DUSP26: variants seen among roughly 807,000 people sequenced by gnomAD.
The protein encoded by DUSP26 is dual specificity phosphatase 26.
A neutral mutation model predicts 20.0 loss-of-function variants in DUSP26; 12 were observed. That is an observed-to-expected ratio of 0.60 (90% CI 0.38 to 0.97). DUSP26 has a LOEUF of 0.97. Among genes scored for constraint, DUSP26 ranks in the 50% least tolerant of loss-of-function variants. The pLI is 0.00. For missense variants in DUSP26, 230 were observed against 294.0 expected (o/e 0.78, Z 1.59); for synonymous variants, 120 against 118.8 (o/e 1.01, Z -0.06).
intron 1 of DUSP26, among the ~76,000 whole-genome samples, 175 bp downstream of exon 1, chr8:33,599,490 G>C (rs963807163): frequency 2.0e-5 from 3 of 152,150 alleles, no homozygotes; most frequent in African/African-American, 7.2e-5. Flanking sequence ...GTCCTCGCCA[G>C]CCTGGCAGCC....
At chr8:33,592,337 GA>G in intron 3 of DUSP26, 125 bp from the exon 4 acceptor site, 1 of 887,016 alleles carries the variant, frequency 1.1e-6, no homozygotes, top group Non-Finnish European at 1.7e-6. Flanking sequence ...TTTGGAGGCC[GA>G]AGGGGGAAGA....
rs535422238 is a variant in DUSP26 at position 33,597,780 on chromosome 8, C to T, written c.-76-189G>A. 934 of 418,802 alleles carry T rather than the reference C, an allele frequency of 2.2e-3. 31 individuals are homozygous for T. The South Asian group carries it at 0.028, about 13-fold the overall frequency. The allele number at this position is 418,802 out of a possible 1,614,324, so 25.9% of individuals were successfully genotyped here. On this transcript the variant is annotated intron_variant, in intron 1 of 3. Transcript: ENST00000256261. ...TTTGCTCAGCTCTTTGGCTCTGCCA[C>T]GAAACGAGGTGGGAGAGTCACATGT...
rs1811028651 is a variant in DUSP26, at chr8:33,591,930, C to T, written c.*83G>A. ...GAGGATGGGTGATCTGGGCCTCCTGCTACCTGCCACCTGGGCCTCCTATCT... is the reference window on the plus strand; with the variant it reads ...GAGGATGGGTGATCTGGGCCTCCTGTTACCTGCCACCTGGGCCTCCTATCT... On this transcript the variant is annotated 3_prime_UTR_variant, in exon 4 of 4. Coordinates refer to ENST00000256261, the MANE Select transcript of DUSP26 (RefSeq NM_024025.3). The T allele has an allele frequency of 7.8e-6, 12 of 1,537,096 alleles. No homozygotes were observed. Among genetic ancestry groups the T allele is most frequent in the Non-Finnish European group, 9.7e-6 (11 of 1,131,030 alleles).
rs1293023241 is a variant in DUSP26, at chr8:33,591,467, G to T, written c.*546C>A. ...GTGGGCCTAGTGCCAACCCTCACAC[G>T]CTAGCTACCTCCTCCTGTGCTTGGA... On this transcript the variant is annotated 3_prime_UTR_variant, in exon 4 of 4. Coordinates refer to ENST00000256261, the MANE Select transcript of DUSP26 (RefSeq NM_024025.3). 6.5e-6 allele frequency: 1 copy of T among 153,336 alleles called. No individual in the cohort carries two copies. The highest frequency in any genetic ancestry group is 1.5e-5 in the Non-Finnish European group (1 of 68,588). 9.5% of individuals were successfully genotyped at this position (153,336 alleles called of 1,614,324 possible).
Position 33,597,544 on chromosome 8 carries a change from G to C in DUSP26, c.-29C>G. 1 of 1,578,448 alleles carries C rather than the reference G, an allele frequency of 6.3e-7. No individual in the cohort carries two copies. The highest frequency in any genetic ancestry group is 2.2e-5 in the East Asian group (1 of 44,666). Reference sequence around the variant, plus strand: ...AGAGGTGGCAGAAACCGTGGCAGCTGCAGGAGTGGCTGTGGTGATGATGGG... The same window carrying C: ...AGAGGTGGCAGAAACCGTGGCAGCTCCAGGAGTGGCTGTGGTGATGATGGG... On this transcript the variant is annotated 5_prime_UTR_variant, in exon 2 of 4. Coordinates refer to ENST00000256261, the MANE Select transcript of DUSP26 (RefSeq NM_024025.3).
At chr8:33,595,159 T>C (rs888555217) in intron 2 of DUSP26, among the ~76,000 whole-genome samples, 3 of 152,198 alleles carry the variant, frequency 2.0e-5, no homozygotes, top group Non-Finnish European at 2.9e-5. Flanking sequence ...CATGTAGCCA[T>C]GGATGCTGCA....
At chr8:33,592,955 A>G (rs769156826) in intron 3 of DUSP26, among the ~76,000 whole-genome samples, 27 of 152,212 alleles carry the variant, frequency 1.8e-4, no homozygotes, top group Non-Finnish European at 3.4e-4. Flanking sequence ...GCTCACTACA[A>G]CCTCTAATTC....
chr8:33,594,266 T>C (rs1274115574), intron 2 of DUSP26, among the ~76,000 whole-genome samples: 1 of 151,844 alleles, frequency 6.6e-6, no homozygotes, highest in Non-Finnish European at 1.5e-5. Context: ...AAGAGAAGAC[T>C]AAGGGGATGG....
intron 1 of DUSP26, 117 bp downstream of exon 1, chr8:33,599,548 G>A (rs1307187443): frequency 1.3e-5 from 2 of 152,166 alleles, no homozygotes; most frequent in Admixed American, 1.3e-4. Flanking sequence ...AGGCTGGCTC[G>A]CTGGGCTCGG....
intron 1 of DUSP26, 140 bp from the exon 2 acceptor site, chr8:33,597,731 T>C (rs1252111931): frequency 2.0e-6 from 1 of 495,444 alleles, no homozygotes; most frequent in Non-Finnish European, 3.6e-6. Context: ...GGGGTGGCTT[T>C]TTCTTCAAGC....
At chr8:33,593,169 G>A (rs1379708307) in intron 3 of DUSP26, among the ~76,000 whole-genome samples, 2 of 152,128 alleles carry the variant, frequency 1.3e-5, no homozygotes, top group Admixed American at 6.6e-5. Flanking sequence ...CTACTTGGGA[G>A]GCTGAGGCAG....
At chr8:33,593,504 C>A in intron 3 of DUSP26, 29 bp downstream of exon 3, 2 of 1,600,988 alleles carry the variant, frequency 1.2e-6, no homozygotes, top group South Asian at 1.1e-5. Flanking sequence ...GCACCCTGTT[C>A]TTTCCTGCTC....
chr8:33,597,158 G>T, intron 2 of DUSP26, 137 bp downstream of exon 2: 1 of 828,528 alleles, frequency 1.2e-6, no homozygotes, highest in Non-Finnish European at 1.8e-6. Context: ...CTCTACTCTT[G>T]GCCCATGTGC....
intron 2 of DUSP26, 46 bp downstream of exon 2, chr8:33,597,249 A>G: frequency 6.5e-7 from 1 of 1,534,780 alleles, no homozygotes; most frequent in Non-Finnish European, 8.8e-7. Flanking sequence ...TTACACACAC[A>G]AACACACACA....
chr8:33,597,162 C>A, intron 2 of DUSP26, 133 bp downstream of exon 2: 2 of 872,990 alleles, frequency 2.3e-6, no homozygotes, highest in East Asian at 2.7e-5. Flanking sequence ...ACTCTTGGCC[C>A]ATGTGCCCTA....
intron 2 of DUSP26, among the ~76,000 whole-genome samples, chr8:33,595,632 G>A (rs1811125079): frequency 2.0e-5 from 3 of 151,946 alleles, no homozygotes; most frequent in Non-Finnish European, 4.4e-5. Context: ...ATCCGCCTAA[G>A]TATCCCAAAG....
At chr8:33,595,358 T>TTTG (rs1554536718) in intron 2 of DUSP26, among the ~76,000 whole-genome samples, 5 of 151,046 alleles carry the variant, frequency 3.3e-5, no homozygotes, top group Admixed American at 6.6e-5. Flanking sequence ...TGTGTTTTTT[T>TTTG]TTGTTGTTGT....
chr8:33,596,311 C>A (rs982130476), intron 2 of DUSP26, among the ~76,000 whole-genome samples: 2 of 151,654 alleles, frequency 1.3e-5, no homozygotes, highest in African/African-American at 2.4e-5. Context: ...GGCACGGTGG[C>A]TCACACCTAT....
At position 33,597,395 on chromosome 8, in the gene DUSP26, G is replaced by A; in HGVS notation, c.121C>T (p.Pro41Ser). The change falls in exon 2 of 4, where the codon CCT becomes TCT. Residue 41 changes from proline (P) to serine (S), a missense_variant. Coordinates refer to ENST00000256261, the MANE Select transcript of DUSP26 (RefSeq NM_024025.3). ...TLEEMPTVQH[P>S]FLNVFELERL... is the part of the protein sequence containing the mutation. ...TCCAACTCGAAGACATTGAGGAAAG[G>A]ATGTTGAACGGTTGGCATCTCCTCC... 8 of 1,614,186 alleles carry A rather than the reference G, an allele frequency of 5.0e-6. No individual in the cohort carries two copies. Among genetic ancestry groups the A allele is most frequent in the Non-Finnish European group, 6.8e-6 (8 of 1,180,048 alleles).
Sources: allele counts gnomAD v4.1 joint callset (sites outside exome capture counted in the v4.1 genomes callset), GRCh38; gene constraint gnomAD v4.1.1; transcripts MANE v1.5; gene names NCBI Gene and HGNC (gene_info 2026-07-23, HGNC 2026-07-21).